The following RARB variants were observed in gnomAD, a reference collection of about 807,000 sequenced individuals.
The protein encoded by RARB is retinoic acid receptor beta.
RARB carries 17 observed loss-of-function variants against 51.9 expected under a neutral mutation model. That is an observed-to-expected ratio of 0.33 (90% CI 0.22 to 0.49). The LOEUF (loss-of-function observed/expected upper bound fraction) is 0.49. Among genes scored for constraint, RARB ranks in the 20% least tolerant of loss-of-function variants. RARB has a pLI of 0.99. For missense variants in RARB, 369 were observed against 550.8 expected, an observed-to-expected ratio of 0.67 and a Z score of 3.30; for synonymous variants, 215 against 195.4, an observed-to-expected ratio of 1.10 and a Z score of -0.84.
intron 5 of RARB, among the ~76,000 whole-genome samples, chr3:25,327,981 T>TA (rs1704775738): frequency 6.6e-6 from 1 of 152,158 alleles, no homozygotes; most frequent in African/African-American, 2.4e-5. Flanking sequence ...GGCTTTGCAG[T>TA]AAAAAATACA....
chr3:25,335,808 A>AT (rs1335897096), intron 5 of RARB, among the ~76,000 whole-genome samples: 1 of 152,180 alleles, frequency 6.6e-6, no homozygotes, highest in African/African-American at 2.4e-5. Context: ...TTGTACTGAT[A>AT]TTTTGTCACC....
intron 2 of RARB, among the ~76,000 whole-genome samples, chr3:24,897,337 T>G (rs898283198): frequency 6.6e-6 from 1 of 151,244 alleles, no homozygotes; most frequent in Non-Finnish European, 1.5e-5. Flanking sequence ...TTAGGGCTAT[T>G]AATTTTGGAC....
chr3:25,135,443 G>C (rs1700017725), intron 4 of RARB, among the ~76,000 whole-genome samples: 1 of 151,908 alleles, frequency 6.6e-6, no homozygotes, highest in African/African-American at 2.4e-5. Context: ...GCTTTAATCT[G>C]CTAGCTGAAA....
intron 2 of RARB, among the ~76,000 whole-genome samples, chr3:25,016,055 C>T (rs2125282274): frequency 6.6e-6 from 1 of 152,264 alleles, no homozygotes; most frequent in South Asian, 2.1e-4. Flanking sequence ...ACAATGGGTA[C>T]ATGCTATTTG....
chr3:25,022,962 C>T (rs115005708), intron 2 of RARB, among the ~76,000 whole-genome samples: 1 of 152,268 alleles, frequency 6.6e-6, no homozygotes, highest in African/African-American at 2.4e-5. Flanking sequence ...AAGATCATCA[C>T]CAGACCCTAA....
intron 5 of RARB, among the ~76,000 whole-genome samples, chr3:25,234,307 T>G (rs1702252831): frequency 6.6e-6 from 1 of 152,170 alleles, no homozygotes; most frequent in Non-Finnish European, 1.5e-5. Flanking sequence ...TTTAAAGGAA[T>G]TGGTCCATTT....
chr3:24,891,189 GT>G (rs1186211060), intron 2 of RARB, among the ~76,000 whole-genome samples: 1 of 152,128 alleles, frequency 6.6e-6, no homozygotes, highest in Non-Finnish European at 1.5e-5. Context: ...ATCTCATGAC[GT>G]TTTGCCTTTG....
At chr3:25,234,711 G>C (rs1702263371) in intron 5 of RARB, among the ~76,000 whole-genome samples, 1 of 151,970 alleles carries the variant, frequency 6.6e-6, no homozygotes. Flanking sequence ...CAGAAACATG[G>C]ATTTCTCCCC....
intron 1 of RARB, among the ~76,000 whole-genome samples, chr3:25,453,430 A>G (rs982962068): frequency 2.0e-5 from 3 of 151,828 alleles, no homozygotes; most frequent in Non-Finnish European, 4.4e-5. Context: ...TATTTTTAGT[A>G]GAGATGGGGT....
intron 3 of RARB, among the ~76,000 whole-genome samples, chr3:25,111,872 G>A (rs137981860): frequency 2.3e-3 from 355 of 152,004 alleles, no homozygotes; most frequent in African/African-American, 8.2e-3. Flanking sequence ...CATCGGGCCC[G>A]ACTCCAACAA....
At chr3:25,408,076 T>C (rs755672140) in intron 5 of RARB, among the ~76,000 whole-genome samples, 1 of 152,158 alleles carries the variant, frequency 6.6e-6, no homozygotes, top group Non-Finnish European at 1.5e-5. Flanking sequence ...CCACTTAAAC[T>C]CAAAACCTTG....
chr3:25,077,222 C>A (rs949631042), intron 3 of RARB, among the ~76,000 whole-genome samples: 2 of 152,156 alleles, frequency 1.3e-5, no homozygotes, highest in African/African-American at 4.8e-5. Flanking sequence ...TAAATCAAGG[C>A]ATAATAAGCA....
chr3:25,595,185 A>G (rs187268440), intron 7 of RARB, among the ~76,000 whole-genome samples: 21 of 152,308 alleles, frequency 1.4e-4, no homozygotes, highest in African/African-American at 5.1e-4. Flanking sequence ...TTATGTAGCA[A>G]CTCAAGCAAT....
At chr3:25,363,527 C>A (rs1706018705) in intron 5 of RARB, among the ~76,000 whole-genome samples, 1 of 152,136 alleles carries the variant, frequency 6.6e-6, no homozygotes, top group African/African-American at 2.4e-5. Flanking sequence ...TCCTTTCTTT[C>A]TGTCTTATAC....
At chr3:25,169,085 T>C (rs558550624) in intron 4 of RARB, among the ~76,000 whole-genome samples, 1 of 152,334 alleles carries the variant, frequency 6.6e-6, no homozygotes, top group African/African-American at 2.4e-5. Context: ...TCCACAATTT[T>C]ATACCTAGCC....
chr3:24,891,993 G>C (rs1703389214), intron 2 of RARB, among the ~76,000 whole-genome samples: 2 of 152,166 alleles, frequency 1.3e-5, no homozygotes, highest in African/African-American at 4.8e-5. Context: ...TGAGACTAGA[G>C]GACTGCAGAG....
At chr3:24,880,044 C>A (rs1481405211) in intron 2 of RARB, among the ~76,000 whole-genome samples, 3 of 152,060 alleles carry the variant, frequency 2.0e-5, no homozygotes, top group African/African-American at 7.2e-5. Flanking sequence ...CCCCTTAGCT[C>A]TACGTTCCTG....
At chr3:25,394,251 G>T (rs941096396) in intron 5 of RARB, among the ~76,000 whole-genome samples, 6 of 152,022 alleles carry the variant, frequency 3.9e-5, no homozygotes, top group Non-Finnish European at 7.4e-5. Flanking sequence ...TTCTACTGTG[G>T]TCTGAGAGAG....
intron 2 of RARB, among the ~76,000 whole-genome samples, chr3:24,865,610 G>T (rs1702832780): frequency 6.6e-6 from 1 of 152,120 alleles, no homozygotes; most frequent in South Asian, 2.1e-4. Flanking sequence ...GTCCTGTGGT[G>T]ATTTTCTTAT....
Sources: gnomAD v4.1 joint callset for allele counts (sites outside exome capture counted in the v4.1 genomes callset) on GRCh38, gnomAD v4.1.1 for gene constraint, MANE v1.5 for transcripts, NCBI Gene and HGNC (gene_info 2026-07-23, HGNC 2026-07-21) for gene names.